Variants in MAP2K6 observed in about 807,000 individuals in gnomAD.
MAP2K6 encodes mitogen-activated protein kinase kinase 6.
A neutral mutation model predicts 53.7 loss-of-function variants in MAP2K6; 16 were observed. That is an observed-to-expected ratio of 0.30 (90% CI 0.20 to 0.45). MAP2K6 has a LOEUF of 0.45. Ranked by LOEUF, MAP2K6 falls within the 20% of genes least tolerant of loss-of-function variation. MAP2K6 has a pLI of 1.00. For synonymous variants in MAP2K6, 132 were observed against 143.1 expected (o/e 0.92, Z 0.55); for missense variants, 204 against 411.9 (o/e 0.50, Z 4.37).
intron 1 of MAP2K6, among the ~76,000 whole-genome samples, chr17:69,417,065 G>A (rs1421201712): frequency 1.3e-5 from 2 of 152,082 alleles, no homozygotes; most frequent in African/African-American, 4.8e-5. Flanking sequence ...TTCTTAATTG[G>A]ATTCTGCTTG....
At chr17:69,536,067 A>G (rs765585492) in intron 10 of MAP2K6, 48 bp from the exon 11 acceptor site, 33 of 1,284,578 alleles carry the variant, frequency 2.6e-5, no homozygotes, top group African/African-American at 5.9e-5. Context: ...TGTCTAATGA[A>G]AATATATATG....
intron 1 of MAP2K6, among the ~76,000 whole-genome samples, chr17:69,455,649 A>G (rs982830620): frequency 3.9e-5 from 6 of 152,112 alleles, no homozygotes; most frequent in African/African-American, 7.2e-5. Flanking sequence ...TTCTACAAAC[A>G]GTGAGATGGT....
intron 1 of MAP2K6, among the ~76,000 whole-genome samples, chr17:69,422,919 T>C (rs1906138823): frequency 6.6e-6 from 1 of 152,196 alleles, no homozygotes; most frequent in South Asian, 2.1e-4. Flanking sequence ...GTTGCGCTCT[T>C]GTTGCCCAAC....
At chr17:69,488,247 G>T (rs573865909) in intron 1 of MAP2K6, among the ~76,000 whole-genome samples, 1 of 151,906 alleles carries the variant, frequency 6.6e-6, no homozygotes, top group Non-Finnish European at 1.5e-5. Flanking sequence ...CAGTGAGAAT[G>T]GTTATTATTA....
rs562420197 is a variant in MAP2K6, at chr17:69,541,010, T to G, written c.928-666T>G. On this transcript the variant is annotated intron_variant, in intron 11 of 11. Transcript: ENST00000590474. ...CGGGCATGGTGGCACACGCCTGCAA[T>G]CCCAGCACTTTGGGAGGCCGAGGCT... Among the ~76,000 whole-genome samples the G allele has an allele frequency of 2.6e-5, 4 of 152,338 alleles. No individual in the cohort carries two copies. The East Asian group carries it at 7.7e-4, about 29-fold the overall frequency.
intron 1 of MAP2K6, among the ~76,000 whole-genome samples, chr17:69,425,631 C>T (rs1343096523): frequency 2.0e-5 from 3 of 152,154 alleles, no homozygotes. Context: ...AATTCTTTCT[C>T]GGCTTTCTCT....
At chr17:69,415,620 A>G (rs1905873711) in intron 1 of MAP2K6, among the ~76,000 whole-genome samples, 1 of 152,174 alleles carries the variant, frequency 6.6e-6, no homozygotes, top group Non-Finnish European at 1.5e-5. Context: ...TTTGCACTTT[A>G]CACCAATTGC....
chr17:69,441,993 G>A (rs535624077), intron 1 of MAP2K6, among the ~76,000 whole-genome samples: 1 of 152,232 alleles, frequency 6.6e-6, no homozygotes, highest in Admixed American at 6.5e-5. Flanking sequence ...TGTAGAGAGG[G>A]TGGTTTTGCT....
intron 1 of MAP2K6, among the ~76,000 whole-genome samples, chr17:69,487,067 C>CT (rs1442514307): frequency 1.3e-5 from 2 of 152,300 alleles, no homozygotes; most frequent in Non-Finnish European, 2.9e-5. Context: ...GTTTTATAAC[C>CT]TGCCTCTGTG....
At chr17:69,495,217 A>C (rs77629790) in intron 1 of MAP2K6, among the ~76,000 whole-genome samples, 1,946 of 151,256 alleles carry the variant, frequency 0.013, 39 homozygotes, top group African/African-American at 0.045. Context: ...ATATATTGGT[A>C]AATTTCGTTT....
intron 1 of MAP2K6, among the ~76,000 whole-genome samples, chr17:69,431,236 A>G (rs1175935586): frequency 6.6e-6 from 1 of 152,134 alleles, no homozygotes; most frequent in East Asian, 1.9e-4. Context: ...GTTTATTTAA[A>G]CACTAAAGTT....
chr17:69,478,028 G>T (rs1908213093), intron 1 of MAP2K6, among the ~76,000 whole-genome samples: 1 of 152,216 alleles, frequency 6.6e-6, no homozygotes, highest in Non-Finnish European at 1.5e-5. Flanking sequence ...GGCAAGATTA[G>T]TATGGTCAAA....
At chr17:69,459,674 T>A (rs1907546184) in intron 1 of MAP2K6, among the ~76,000 whole-genome samples, 1 of 117,214 alleles carries the variant, frequency 8.5e-6, no homozygotes, top group Non-Finnish European at 1.6e-5. Context: ...ATTGCACCAC[T>A]GCACTCCAGC....
At chr17:69,481,662 C>G (rs947433375) in intron 1 of MAP2K6, among the ~76,000 whole-genome samples, 1 of 152,102 alleles carries the variant, frequency 6.6e-6, no homozygotes, top group African/African-American at 2.4e-5. Context: ...CTGTCCCTCT[C>G]TATATCTTCA....
chr17:69,488,562 C>T (rs947338665), intron 1 of MAP2K6, among the ~76,000 whole-genome samples: 5 of 152,140 alleles, frequency 3.3e-5, no homozygotes. Context: ...AAATGTGGTA[C>T]ATATACACCG....
At chr17:69,505,532 C>T (rs917282754) in intron 1 of MAP2K6, 8 of 329,296 alleles carry the variant, frequency 2.4e-5, no homozygotes, top group African/African-American at 1.5e-4. Flanking sequence ...TTGGCATTCT[C>T]ATCCTGATGT....
intron 10 of MAP2K6, among the ~76,000 whole-genome samples, chr17:69,534,054 G>A (rs1377936886): frequency 6.6e-6 from 1 of 152,126 alleles, no homozygotes; most frequent in African/African-American, 2.4e-5. Context: ...TGTTGTGCGG[G>A]ATTGCCCAGT....
intron 1 of MAP2K6, among the ~76,000 whole-genome samples, chr17:69,470,309 GC>G (rs902804961): frequency 2.0e-5 from 3 of 152,136 alleles, no homozygotes; most frequent in African/African-American, 7.2e-5. Flanking sequence ...ATTTTTTTAG[GC>G]AAATACAAAT....
intron 1 of MAP2K6, among the ~76,000 whole-genome samples, chr17:69,430,651 A>G (rs1433811946): frequency 6.6e-6 from 1 of 152,200 alleles, no homozygotes; most frequent in African/African-American, 2.4e-5. Flanking sequence ...CTTATCTTCC[A>G]TGCTGAGTAC....
Sources: gnomAD v4.1 joint callset for allele counts (sites outside exome capture counted in the v4.1 genomes callset) on GRCh38, gnomAD v4.1.1 for gene constraint, MANE v1.5 for transcripts, NCBI Gene and HGNC (gene_info 2026-07-23, HGNC 2026-07-21) for gene names.